Variants in SUGCT observed in about 807,000 individuals in gnomAD.
The protein encoded by SUGCT is succinyl-CoA:glutarate CoA-transferase.
Under a neutral mutation model 55.0 loss-of-function variants are expected in SUGCT, and 41 were observed. That is an observed-to-expected ratio of 0.74 (90% CI 0.58 to 0.97). The LOEUF is 0.97. Among genes scored for constraint, SUGCT ranks in the 50% least tolerant of loss-of-function variants. The probability of loss-of-function intolerance (pLI) is 0.00; values close to 1 mark genes in which losing one functional copy is unlikely to be tolerated. For synonymous variants in SUGCT, 187 were observed against 200.4 expected (o/e 0.93, Z 0.56); for missense variants, 568 against 547.8 (o/e 1.04, Z -0.37).
At chr7:40,147,790 A>G (rs1030569411) in intron 1 of SUGCT, among the ~76,000 whole-genome samples, 6 of 152,274 alleles carry the variant, frequency 3.9e-5, no homozygotes, top group Non-Finnish European at 5.9e-5. Flanking sequence ...GACCACCCCC[A>G]GAGGGGAATG....
At chr7:40,299,160 G>A (rs1056899270) in intron 8 of SUGCT, among the ~76,000 whole-genome samples, 7 of 152,072 alleles carry the variant, frequency 4.6e-5, no homozygotes, top group East Asian at 1.9e-4. Flanking sequence ...TGTTTTGACC[G>A]TAAACCAGGA....
At chr7:40,620,115 A>G (rs141124042) in intron 12 of SUGCT, among the ~76,000 whole-genome samples, 15 of 152,326 alleles carry the variant, frequency 9.8e-5, no homozygotes, top group Non-Finnish European at 1.9e-4. Flanking sequence ...AAGCTGGTCT[A>G]TATTCAAGCC....
intron 12 of SUGCT, among the ~76,000 whole-genome samples, chr7:40,553,348 A>G (rs1583968122): frequency 1.3e-5 from 2 of 152,348 alleles, no homozygotes. Flanking sequence ...AGGAAAATGT[A>G]TATGATCTCT....
intron 6 of SUGCT, among the ~76,000 whole-genome samples, chr7:40,200,329 A>G (rs1786518979): frequency 1.3e-5 from 2 of 152,180 alleles, no homozygotes; most frequent in South Asian, 2.1e-4. Flanking sequence ...TAAATACAAC[A>G]TGTATTAGCA....
chr7:40,871,845 C>T, the SUGCT span, among the ~76,000 whole-genome samples: 4 of 152,174 alleles, frequency 2.6e-5, no homozygotes, highest in South Asian at 2.1e-4. Flanking sequence ...GTAGAGTAGG[C>T]GGTAAAGGAT....
intron 11 of SUGCT, among the ~76,000 whole-genome samples, chr7:40,488,174 AT>A (rs928682862): frequency 1.3e-5 from 2 of 148,850 alleles, no homozygotes; most frequent in South Asian, 2.1e-4. Context: ...GGTTATTTGA[AT>A]TTTTTTCTAG....
At chr7:40,573,311 C>T (rs1796554930) in intron 12 of SUGCT, among the ~76,000 whole-genome samples, 1 of 152,208 alleles carries the variant, frequency 6.6e-6, no homozygotes, top group African/African-American at 2.4e-5. Flanking sequence ...CGTCATGTTA[C>T]TCAGAACAGA....
At chr7:40,792,070 C>T (rs1790339244) in intron 13 of SUGCT, among the ~76,000 whole-genome samples, 1 of 152,060 alleles carries the variant, frequency 6.6e-6, no homozygotes, top group Non-Finnish European at 1.5e-5. Flanking sequence ...GAAGCATTGC[C>T]ACAGAAAATT....
intron 12 of SUGCT, among the ~76,000 whole-genome samples, chr7:40,583,013 G>T (rs1384292208): frequency 6.6e-6 from 1 of 152,078 alleles, no homozygotes; most frequent in Admixed American, 6.6e-5. Flanking sequence ...CAGCGTAATA[G>T]CAAAAACTGA....
the SUGCT span, among the ~76,000 whole-genome samples, chr7:40,982,927 G>A: frequency 2.4e-3 from 362 of 152,294 alleles, 1 homozygote; most frequent in African/African-American, 8.5e-3. Context: ...GGGATTACAG[G>A]CATGAGCTGC....
At chr7:40,177,623 A>G (rs1784990849) in intron 1 of SUGCT, among the ~76,000 whole-genome samples, 1 of 152,180 alleles carries the variant, frequency 6.6e-6, no homozygotes, top group Non-Finnish European at 1.5e-5. Context: ...CCTTCTCAAT[A>G]TCTATCCTCC....
Position 40,374,336 on chromosome 7 carries a change from A to G in SUGCT, c.816+57481A>G, listed in dbSNP as rs974013331. ...TGAGGTGGTAGGTGGTGTCATCCTC[A>G]TTTTACAGATGAGGAAGCTAAGGTT... On this transcript the variant is annotated intron_variant, in intron 9 of 13. Coordinates refer to ENST00000335693, the MANE Select transcript of SUGCT (RefSeq NM_001193313.2). Among the ~76,000 whole-genome samples, 104 of 152,244 alleles carry G rather than the reference A, an allele frequency of 6.8e-4. 1 individual carries two copies. In the East Asian group the frequency reaches 0.019, roughly 27 times the overall value.
intron 9 of SUGCT, among the ~76,000 whole-genome samples, chr7:40,398,092 T>C (rs1785842413): frequency 6.6e-6 from 1 of 152,136 alleles, no homozygotes; most frequent in South Asian, 2.1e-4. Context: ...ATTTCTTTTT[T>C]CTTTTCTTTT....
At position 40,819,797 on chromosome 7, in the gene SUGCT, T is replaced by C. The variant is rs950268947; in HGVS notation, c.1154-40519T>C. Reference sequence around the variant, plus strand: ...ATTTGTCAATTTTGGCTTTTGTTGCTGTTGCTTTTGGTGTTTTAGTCATGA... The same window carrying C: ...ATTTGTCAATTTTGGCTTTTGTTGCCGTTGCTTTTGGTGTTTTAGTCATGA... On this transcript the variant is annotated intron_variant, in intron 13 of 13. Transcript: ENST00000335693. Among the ~76,000 whole-genome samples the C allele has an allele frequency of 6.2e-4, 95 of 152,248 alleles. 1 individual carries two copies. The highest frequency in any genetic ancestry group is 1.1e-3 in the Non-Finnish European group (78 of 67,998).
At chr7:40,601,735 G>A (rs1041617575) in intron 12 of SUGCT, among the ~76,000 whole-genome samples, 1 of 151,828 alleles carries the variant, frequency 6.6e-6, no homozygotes, top group Non-Finnish European at 1.5e-5. Context: ...TAAAATGTGA[G>A]GACTTTTTTT....
chr7:40,227,021 T>TAG (rs1330809174), intron 6 of SUGCT, among the ~76,000 whole-genome samples: 1 of 148,874 alleles, frequency 6.7e-6, no homozygotes, highest in Non-Finnish European at 1.5e-5. Flanking sequence ...TCACCTAAAG[T>TAG]AGAGAGAATA....
intron 10 of SUGCT, among the ~76,000 whole-genome samples, chr7:40,453,716 T>A (rs1226279547): frequency 6.6e-6 from 1 of 152,208 alleles, no homozygotes. Context: ...CTCCTTAGAA[T>A]TTAAACAAGA....
intron 6 of SUGCT, among the ~76,000 whole-genome samples, chr7:40,200,401 C>G (rs1786523025): frequency 6.6e-6 from 1 of 151,816 alleles, no homozygotes; most frequent in African/African-American, 2.4e-5. Flanking sequence ...GGAGGGGTTG[C>G]ATGCTGTAAA....
chr7:40,347,730 G>T (rs191089527), intron 9 of SUGCT, among the ~76,000 whole-genome samples: 14 of 152,224 alleles, frequency 9.2e-5, no homozygotes, highest in Non-Finnish European at 1.8e-4. Flanking sequence ...ATCCCACTGT[G>T]AATCAATTTG....
Sources: gnomAD v4.1 joint callset for allele counts (sites outside exome capture counted in the v4.1 genomes callset) on GRCh38, gnomAD v4.1.1 for gene constraint, MANE v1.5 for transcripts, NCBI Gene and HGNC (gene_info 2026-07-23, HGNC 2026-07-21) for gene names.